GCN1: variants seen among roughly 807,000 people sequenced by gnomAD.
GCN1 encodes the protein stalled ribosome sensor GCN1.
A neutral mutation model predicts 288.4 loss-of-function variants in GCN1; 90 were observed. The observed-to-expected ratio is 0.31, with a 90% CI of 0.26 to 0.37. The LOEUF is 0.37. GCN1 is among the 10% of genes least tolerant of loss of function. GCN1 has a pLI of 1.00. For missense variants in GCN1, 2,586 were observed against 3,419.9 expected (o/e 0.76, Z 6.08); for synonymous variants, 1,386 against 1,420.2 (o/e 0.98, Z 0.54).
At position 120,163,263 on chromosome 12, in the gene GCN1, T is replaced by C. The variant is rs60105132; in HGVS notation, c.1849-4A>G. 2.2e-3 allele frequency: 3,548 copies of C among 1,612,364 alleles called. 45 individuals are homozygous for C. In the African/African-American group the frequency reaches 0.039, roughly 18 times the overall value. ...CCAAAGCCTCTAAGGGCAGCACCTGTGTGGAGACACATGAGATAATACTGC... is the reference window on the plus strand; with the variant it reads ...CCAAAGCCTCTAAGGGCAGCACCTGCGTGGAGACACATGAGATAATACTGC... On this transcript the variant is annotated splice_region_variant and splice_polypyrimidine_tract_variant and intron_variant, in intron 18 of 57. Transcript: ENST00000300648.
intron 2 of GCN1, among the ~76,000 whole-genome samples, chr12:120,185,639 C>T (rs1049349912): frequency 7.9e-5 from 12 of 152,118 alleles, no homozygotes; most frequent in Non-Finnish European, 4.4e-5. Flanking sequence ...CTCACTCTAT[C>T]GCCCCGGCTG....
In GCN1 at chr12:120,177,492, T is replaced by G; in HGVS notation, c.793A>C (p.Thr265Pro). Residue 265 changes from threonine to proline, a missense_variant, in exon 9 of 58, where the codon ACC becomes CCC. Coordinates refer to ENST00000300648, the MANE Select transcript of GCN1 (RefSeq NM_006836.2). ...CTCCTCAGTAAGGACTTCTGTATGGTGGGCAGTATCAGATCCTTAAATTCT... is the reference window on the plus strand; with the variant it reads ...CTCCTCAGTAAGGACTTCTGTATGGGGGGCAGTATCAGATCCTTAAATTCT... ...HSEFKDLILP[T>P]IQKSLLRSPE... The G allele has an allele frequency of 1.2e-6, 2 of 1,609,754 alleles. No individual in the cohort carries two copies. The highest frequency in any genetic ancestry group is 1.7e-6 in the Non-Finnish European group (2 of 1,176,034).
intron 51 of GCN1, 23 bp downstream of exon 51, chr12:120,136,479 G>T: frequency 3.2e-6 from 5 of 1,570,736 alleles, no homozygotes; most frequent in South Asian, 1.1e-5. Context: ...TCTAAGATCT[G>T]AACAAACTCA....
At chr12:120,162,720 G>T in intron 20 of GCN1, 127 bp downstream of exon 20, 1 of 1,062,542 alleles carries the variant, frequency 9.4e-7, no homozygotes, top group Non-Finnish European at 1.4e-6. Flanking sequence ...TCTGTCACGT[G>T]CAACCAAGGG....
chr12:120,149,565 T>A lies in GCN1; in HGVS notation c.4546+41A>T, dbSNP rs572429920. On this transcript the variant is annotated intron_variant, in intron 36 of 57. Transcript: ENST00000300648. ...GGATCCTTGCTGAGGCTGGTTTTCA[T>A]AACAGGAAGCTGGGAAGAGAGGCAG... The A allele has an allele frequency of 3.1e-5, 45 of 1,436,948 alleles. No individual in the cohort carries two copies. The African/African-American group carries it at 4.5e-4, about 14-fold the overall frequency. 89.0% of individuals were successfully genotyped at this position (1,436,948 alleles called of 1,614,324 possible).
intron 33 of GCN1, among the ~76,000 whole-genome samples, chr12:120,151,921 G>A (rs535516901): frequency 6.6e-6 from 1 of 152,330 alleles, no homozygotes; most frequent in Admixed American, 6.5e-5. Context: ...ATGCTGGCAG[G>A]TGCCCAGGTG....
intron 15 of GCN1, among the ~76,000 whole-genome samples, chr12:120,169,276 C>CAAAAAAAAAAAAAAAAAAAAAA (rs35819206): frequency 1.1e-4 from 7 of 66,636 alleles, no homozygotes; most frequent in African/African-American, 1.3e-4. Flanking sequence ...AACTCCGTCT[C>CAAAAAAAAAAAAAAAAAAAAAA]AAAAAAAAAA....
In GCN1 at chr12:120,127,578, C is replaced by A; in HGVS notation, c.*271G>T. On this transcript the variant is annotated 3_prime_UTR_variant, in exon 58 of 58. Coordinates refer to ENST00000300648, the MANE Select transcript of GCN1 (RefSeq NM_006836.2). ...TATTATAGTTCCAGACCTAGCCATG[C>A]TAAACTGGACAAACAGCTCCTGGGC... The A allele has an allele frequency of 2.6e-6, 1 of 387,950 alleles. No individual in the cohort carries two copies. Among genetic ancestry groups the A allele is most frequent in the Non-Finnish European group, 4.8e-6 (1 of 207,088 alleles). 24.0% of individuals were successfully genotyped at this position (387,950 alleles called of 1,614,324 possible). A position where few individuals can be genotyped will look rare whatever the true frequency, so the allele number is the denominator to read the frequency against.
intron 2 of GCN1, among the ~76,000 whole-genome samples, chr12:120,188,203 G>C (rs1339739215): frequency 6.6e-6 from 1 of 151,642 alleles, no homozygotes; most frequent in East Asian, 2.0e-4. Context: ...GGAGGCCAAG[G>C]CAGGCGGATA....
chr12:120,155,217 A>G lies in GCN1; in HGVS notation c.3630+24T>C. Reference sequence around the variant, plus strand: ...ACCCAACCGCACACACCCAGACTGCATCAGGGCTGCACAGGTCACTCACGT... The same window carrying G: ...ACCCAACCGCACACACCCAGACTGCGTCAGGGCTGCACAGGTCACTCACGT... On this transcript the variant is annotated intron_variant, in intron 30 of 57. Coordinates refer to ENST00000300648, the MANE Select transcript of GCN1 (RefSeq NM_006836.2). The surrounding 1 kb of genome is among the most constrained non-coding windows in gnomAD (Gnocchi z 4.9). The G allele has an allele frequency of 6.2e-7, 1 of 1,610,986 alleles. No homozygotes were observed. Among genetic ancestry groups the G allele is most frequent in the Non-Finnish European group, 8.5e-7 (1 of 1,177,166 alleles).
intron 7 of GCN1, among the ~76,000 whole-genome samples, chr12:120,178,260 G>A (rs1435420039): frequency 2.6e-5 from 4 of 152,184 alleles, no homozygotes; most frequent in African/African-American, 9.7e-5. Flanking sequence ...TAGACTATCT[G>A]TTTAATGTCA....
At chr12:120,150,125 C>T (rs1296450672) in intron 34 of GCN1, 82 bp from the exon 35 acceptor site, 1 of 1,377,632 alleles carries the variant, frequency 7.3e-7, no homozygotes, top group African/African-American at 1.4e-5. Flanking sequence ...CAGCAACCTC[C>T]CTGCCACCTC....
chr12:120,159,784 C>A, intron 24 of GCN1, 41 bp downstream of exon 24: 1 of 1,560,538 alleles, frequency 6.4e-7, no homozygotes, highest in Non-Finnish European at 8.8e-7. Context: ...CACTCAGGGG[C>A]ACCCCTGGGC....
At chr12:120,154,478 G>C (rs555312515) in intron 31 of GCN1, among the ~76,000 whole-genome samples, 3 of 152,216 alleles carry the variant, frequency 2.0e-5, no homozygotes, top group Non-Finnish European at 4.4e-5. Context: ...CTCTGTGGGA[G>C]GCAAGTGTCT....
rs1384046937 is a variant in GCN1, at chr12:120,178,838, T to C, written c.525+14A>G. 1 of 1,613,666 alleles carries C rather than the reference T, an allele frequency of 6.2e-7. No homozygotes were observed. Among genetic ancestry groups the C allele is most frequent in the East Asian group, 2.2e-5 (1 of 44,892 alleles). On this transcript the variant is annotated intron_variant, in intron 6 of 57. Coordinates refer to ENST00000300648, the MANE Select transcript of GCN1 (RefSeq NM_006836.2). ...GGAAGAAGCAATGCCCACCAGCCCC[T>C]GCAGTCCTGTCACCTCTTTCCACAG... is the stretch of plus-strand genomic sequence containing the variant.
chr12:120,176,964 C>T (rs1209491505), intron 9 of GCN1, among the ~76,000 whole-genome samples: 1 of 152,100 alleles, frequency 6.6e-6, no homozygotes, highest in Non-Finnish European at 1.5e-5. Context: ...CAGGGTTTAA[C>T]CATGTTGGTC....
At chr12:120,161,750 C>A (rs1488215389) in intron 21 of GCN1, 130 bp downstream of exon 21, 2 of 1,009,358 alleles carry the variant, frequency 2.0e-6, no homozygotes, top group African/African-American at 3.2e-5. Flanking sequence ...GCCGGGGACA[C>A]AACAGGCGCT....
At chr12:120,138,270 G>C in intron 47 of GCN1, 53 bp downstream of exon 47, 1 of 1,197,392 alleles carries the variant, frequency 8.4e-7, no homozygotes, top group Admixed American at 1.7e-5. Context: ...TGCAGGCCCT[G>C]GAAATGTCAA....
At position 120,137,032 on chromosome 12, in the gene GCN1, C is replaced by T. The variant is rs1408356267; in HGVS notation, c.6777+174G>A. On this transcript the variant is annotated intron_variant, in intron 50 of 57. Transcript: ENST00000300648. The surrounding 1 kb of genome is among the most constrained non-coding windows in gnomAD (Gnocchi z 5.2). ...AGCTTAAACCAAAGGCAGCATGAAC[C>T]CTGTCCCCATCTGACTGCCATGGAA... Among the ~76,000 whole-genome samples, 1 of 152,194 alleles carries T rather than the reference C, an allele frequency of 6.6e-6. No individual in the cohort carries two copies. The highest frequency in any genetic ancestry group is 2.4e-5 in the African/African-American group (1 of 41,450).
Sources: allele counts gnomAD v4.1 joint callset (sites outside exome capture counted in the v4.1 genomes callset), GRCh38; gene constraint gnomAD v4.1.1; non-coding constraint Gnocchi (gnomAD v3.1); transcripts MANE v1.5; gene names NCBI Gene and HGNC (gene_info 2026-07-23, HGNC 2026-07-21).